SLC4A3: variants seen among roughly 807,000 people sequenced by gnomAD.
The protein encoded by SLC4A3 is solute carrier family 4 member 3.
SLC4A3 carries 47 observed loss-of-function variants against 114.2 expected under a neutral mutation model. The observed-to-expected ratio is 0.41, with a 90% CI of 0.33 to 0.52. The LOEUF (loss-of-function observed/expected upper bound fraction) is 0.52, where lower values mean the gene tolerates loss of function less well. Among genes scored for constraint, SLC4A3 ranks in the 20% least tolerant of loss-of-function variants. The pLI is 0.21. For synonymous variants in SLC4A3, 693 were observed against 710.3 expected (o/e 0.98, Z 0.39); for missense variants, 1,312 against 1,668.3 (o/e 0.79, Z 3.72).
rs566032803 is a variant in SLC4A3 at position 219,631,285 on chromosome 2, G to T, written c.812-683G>T. The stretch of plus-strand genomic sequence containing the variant: ...GACCCTGAGCCCAATGGGGCACTGA[G>T]CCCTGGGCCTGGGGATACCAATAGC... On this transcript the variant is annotated intron_variant, in intron 6 of 22. Transcript: ENST00000358055. This position sits in a 1 kb window ranked among gnomAD's most constrained non-coding sequence, Gnocchi z 6.3. 4 of 1,301,162 alleles carry T rather than the reference G, an allele frequency of 3.1e-6. No individual in the cohort carries two copies. The East Asian group carries it at 2.2e-4, about 72-fold the overall frequency. The allele number at this position is 1,301,162 out of a possible 1,614,324, so 80.6% of individuals were successfully genotyped here. A position where few individuals can be genotyped will look rare whatever the true frequency, so the allele number is the denominator to read the frequency against.
chr2:219,640,119 A>G (rs960389373), intron 20 of SLC4A3, among the ~76,000 whole-genome samples: 6 of 151,890 alleles, frequency 4.0e-5, no homozygotes, highest in African/African-American at 7.3e-5. Flanking sequence ...TAGTAGAGAC[A>G]GGGGTTTCAC....
chr2:219,636,594 C>T lies in SLC4A3; in HGVS notation c.2341-86C>T, dbSNP rs566393339. ...GGGTCCCTGCATTCTCCCTCTTCCT[C>T]GGAGTTCATCCGCTGCCTATTCCAG... On this transcript the variant is annotated intron_variant, in intron 15 of 22. Transcript: ENST00000358055. The surrounding 1 kb of genome is among the most constrained non-coding windows in gnomAD (Gnocchi z 5.5). The T allele has an allele frequency of 1.6e-5, 24 of 1,488,374 alleles. No individual in the cohort carries two copies. Among genetic ancestry groups the T allele is most frequent in the African/African-American group, 1.4e-4 (10 of 71,746 alleles). The allele number at this position is 1,488,374 out of a possible 1,614,324, so 92.2% of individuals were successfully genotyped here. A position where few individuals can be genotyped will look rare whatever the true frequency, so the allele number is the denominator to read the frequency against.
chr2:219,634,323 C>A, intron 11 of SLC4A3, 97 bp from the exon 12 acceptor site: 1 of 1,233,434 alleles, frequency 8.1e-7, no homozygotes, highest in Non-Finnish European at 1.2e-6. Flanking sequence ...CAGTTTACAA[C>A]CTGCTCAACT....
rs761158856 is a variant in SLC4A3, at chr2:219,630,213, C to G, written c.672C>G (p.Ser224Arg). ...RLAGEKSRPW[S>R]PSASYDLRER... ...CTGGGGAGAAAAGCCGGCCCTGGAGCCCATCGGCCAGTTATGACCTGCGGG... is the reference window on the plus strand; with the variant it reads ...CTGGGGAGAAAAGCCGGCCCTGGAGGCCATCGGCCAGTTATGACCTGCGGG... The change falls in exon 6 of 23, where the codon AGC (serine) becomes AGG (arginine). Residue 224 changes from serine to arginine, a missense_variant. Physicochemically the swap from Ser to Arg is moderately radical, Grantham distance 110 (BLOSUM62 -1). This residue lies in a region of SLC4A3 where 771 missense variants were observed against 977.7 expected (regional missense o/e 0.79). Coordinates refer to ENST00000358055, the MANE Select transcript of SLC4A3 (RefSeq NM_005070.4). This position sits in a 1 kb window ranked among gnomAD's most constrained non-coding sequence, Gnocchi z 6.9. The G allele has an allele frequency of 3.3e-5, 53 of 1,609,540 alleles. No homozygotes were observed. The highest frequency in any genetic ancestry group is 4.2e-5 in the Non-Finnish European group (50 of 1,176,806).
rs1445638773 is a variant in SLC4A3, at chr2:219,633,799, C to T, written c.1462-81C>T. ...TGGGAGGGAGAAGCAGGTCTCAGAG[C>T]CAGGGCTGGAGCCAGGGCTGGGAGG... On this transcript the variant is annotated intron_variant, in intron 10 of 22. Transcript: ENST00000358055. 1.9e-6 allele frequency: 3 copies of T among 1,539,732 alleles called. No individual in the cohort carries two copies. The Admixed American group carries it at 6.0e-5, about 31-fold the overall frequency.
intron 11 of SLC4A3, 47 bp downstream of exon 11, chr2:219,634,026 CCT>C (rs1249359451): frequency 2.7e-6 from 4 of 1,491,678 alleles, no homozygotes; most frequent in Non-Finnish European, 2.7e-6. Flanking sequence ...TGTGTGTGTG[CCT>C]CTCCTGGGGG....
chr2:219,630,122 C>G lies in SLC4A3; in HGVS notation c.612-31C>G. On this transcript the variant is annotated intron_variant, in intron 5 of 22. Transcript: ENST00000358055. The surrounding 1 kb of genome is among the most constrained non-coding windows in gnomAD (Gnocchi z 6.9). Reference sequence around the variant, plus strand: ...GATGGAACCACCGACCTGGCCCTGTCAAGTCCAAGGCTGCTGTGTTGCCTC... The same window carrying G: ...GATGGAACCACCGACCTGGCCCTGTGAAGTCCAAGGCTGCTGTGTTGCCTC... 1 of 1,610,568 alleles carries G rather than the reference C, an allele frequency of 6.2e-7. No homozygotes were observed. The highest frequency in any genetic ancestry group is 2.2e-5 in the East Asian group (1 of 44,788).
chr2:219,641,585 G>T lies in SLC4A3; in HGVS notation c.3622-66G>T, dbSNP rs1346667596. 3.9e-6 allele frequency: 5 copies of T among 1,283,288 alleles called. No individual in the cohort carries two copies. The highest frequency in any genetic ancestry group is 5.7e-6 in the Non-Finnish European group (5 of 881,794). 79.5% of individuals were successfully genotyped at this position (1,283,288 alleles called of 1,614,324 possible). ...CAGGGAGGGCTGCAGGTTGGAGGAG[G>T]AGCTGGAGAATGGGAGGGGACGAGC... On this transcript the variant is annotated intron_variant, in intron 22 of 22. Transcript: ENST00000358055. This position sits in a 1 kb window ranked among gnomAD's most constrained non-coding sequence, Gnocchi z 4.0.
At position 219,640,453 on chromosome 2, in the gene SLC4A3, G is replaced by A. The variant is rs530405262; in HGVS notation, c.3301G>A (p.Val1101Met). 4.3e-6 allele frequency: 7 copies of A among 1,613,972 alleles called. No individual in the cohort carries two copies. Among genetic ancestry groups the A allele is most frequent in the East Asian group, 2.2e-5 (1 of 44,888 alleles). The change falls in exon 21 of 23, where the codon GTG (valine) becomes ATG (methionine). Residue 1101 changes from valine (V) to methionine (M), a missense_variant. Physicochemically the swap from Val to Met is conservative, Grantham distance 21. This residue lies in a region of SLC4A3 where 301 missense variants were observed against 460.7 expected (regional missense o/e 0.65). Transcript: ENST00000358055. ...LVGLSIVMGA[V>M]LRRIPLAVLF... ...AGGCCTGTCCATCGTCATGGGGGCT[G>A]TGCTGCGTCGGATCCCATTGGCTGT...
At chr2:219,640,653 G>A in intron 21 of SLC4A3, 54 bp downstream of exon 21, 1 of 1,592,410 alleles carries the variant, frequency 6.3e-7, no homozygotes, top group South Asian at 1.1e-5. Context: ...AGGGGATCCA[G>A]AGGGATCTGG....
chr2:219,641,021 C>A lies in SLC4A3; in HGVS notation c.3621+59C>A, dbSNP rs2106207899. On this transcript the variant is annotated intron_variant, in intron 22 of 22. Coordinates refer to ENST00000358055, the MANE Select transcript of SLC4A3 (RefSeq NM_005070.4). This position sits in a 1 kb window ranked among gnomAD's most constrained non-coding sequence, Gnocchi z 4.0. ...GGGCAAATGGGCACTGGGTTCCAAT[C>A]TCTGTTTGGCCACCCACTAGTTGTG... 1 of 1,501,164 alleles carries A rather than the reference C, an allele frequency of 6.7e-7. No individual in the cohort carries two copies. The highest frequency in any genetic ancestry group is 1.2e-5 in the South Asian group (1 of 83,042). 93.0% of individuals were successfully genotyped at this position (1,501,164 alleles called of 1,614,324 possible).
chr2:219,632,783 T>G, intron 8 of SLC4A3, 91 bp from the exon 9 acceptor site: 1 of 1,538,642 alleles, frequency 6.5e-7, no homozygotes, highest in Non-Finnish European at 8.9e-7. Flanking sequence ...TTCCAGCACA[T>G]TCGCATGCTT....
rs751642364 is a variant in SLC4A3, at chr2:219,632,054, G to A, written c.898G>A (p.Gly300Ser). Residue 300 changes from glycine (G) to serine (S), a missense_variant, in exon 7 of 23, where the codon GGC becomes AGC. Transcript: ENST00000358055. ...RTQGGRGSPS[G>S]LAPILRRKKK... Reference sequence around the variant, plus strand: ...GCAGGGCGGGAGGGGCAGTCCCAGCGGCCTGGCCCCCATCCTTCGCAGGAA... The same window carrying A: ...GCAGGGCGGGAGGGGCAGTCCCAGCAGCCTGGCCCCCATCCTTCGCAGGAA... 12 of 1,613,906 alleles carry A rather than the reference G, an allele frequency of 7.4e-6. No individual in the cohort carries two copies. The highest frequency in any genetic ancestry group is 1.3e-5 in the African/African-American group (1 of 75,028).
chr2:219,630,090 G>A lies in SLC4A3; in HGVS notation c.612-63G>A. The A allele has an allele frequency of 6.3e-7, 1 of 1,592,376 alleles. No homozygotes were observed. Among genetic ancestry groups the A allele is most frequent in the Non-Finnish European group, 8.6e-7 (1 of 1,167,990 alleles). ...ACTCCAGGCCGTGCTCTGAGCTGAG[G>A]GACGGTGATGGAACCACCGACCTGG... On this transcript the variant is annotated intron_variant, in intron 5 of 22. Transcript: ENST00000358055. The surrounding 1 kb of genome is among the most constrained non-coding windows in gnomAD (Gnocchi z 6.9).
Position 219,632,053 on chromosome 2 carries a change from C to T in SLC4A3, c.897C>T (p.Ser299=), listed in dbSNP as rs139523032. The change falls in exon 7 of 23, where the codon AGC becomes AGT. Residue 299 remains serine (S), a synonymous_variant. Transcript: ENST00000358055. The part of the protein sequence containing the change: ...SRTQGGRGSP[S]GLAPILRRKK... ...CGCAGGGCGGGAGGGGCAGTCCCAG[C>T]GGCCTGGCCCCCATCCTTCGCAGGA... is the stretch of plus-strand genomic sequence containing the variant. The T allele has an allele frequency of 1.2e-5, 19 of 1,613,800 alleles. No homozygotes were observed. Among genetic ancestry groups the T allele is most frequent in the Middle Eastern group, 1.6e-4 (1 of 6,082 alleles).
At chr2:219,634,038 G>T (rs1699034314) in intron 11 of SLC4A3, 59 bp downstream of exon 11, 1 of 1,473,738 alleles carries the variant, frequency 6.8e-7, no homozygotes, top group Non-Finnish European at 9.0e-7. Context: ...TCTCCTGGGG[G>T]CCTGCTTGTC....
At position 219,637,777 on chromosome 2, in the gene SLC4A3, G is replaced by A; in HGVS notation, c.2732G>A (p.Arg911His). The A allele has an allele frequency of 6.2e-7, 1 of 1,613,762 alleles. No homozygotes were observed. The highest frequency in any genetic ancestry group is 8.5e-7 in the Non-Finnish European group (1 of 1,179,786). ...LGTFFIAFFL[R>H]KFRNSRFLGG... ...ACCTTCTTCATAGCCTTCTTCCTGC[G>A]CAAGTTCAGGAACAGCCGCTTCCTG... The change falls in exon 17 of 23, where the codon CGC becomes CAC. Residue 911 changes from arginine (R) to histidine (H), a missense_variant. Arg to His is a conservative substitution (Grantham distance 29). Transcript: ENST00000358055. This position sits in a 1 kb window ranked among gnomAD's most constrained non-coding sequence, Gnocchi z 4.6.
chr2:219,632,862 C>T lies in SLC4A3; in HGVS notation c.1142-12C>T, dbSNP rs370763584. 8 of 1,613,928 alleles carry T rather than the reference C, an allele frequency of 5.0e-6. No individual in the cohort carries two copies. The highest frequency in any genetic ancestry group is 6.8e-6 in the Non-Finnish European group (8 of 1,179,886). On this transcript the variant is annotated splice_polypyrimidine_tract_variant and intron_variant, in intron 8 of 22. Transcript: ENST00000358055. The stretch of plus-strand genomic sequence containing the variant: ...GGGACTGTGCCCTCTCTGTGCCTGA[C>T]TGTCCCCCTAGGAGCTGCCCTCCTG...
chr2:219,639,354 TG>T lies in SLC4A3; in HGVS notation c.3024-126del. 9.0e-7 allele frequency: 1 copy of T among 1,112,964 alleles called. No individual in the cohort carries two copies. Among genetic ancestry groups the T allele is most frequent in the Non-Finnish European group, 1.3e-6 (1 of 779,494 alleles). 68.9% of individuals were successfully genotyped at this position (1,112,964 alleles called of 1,614,324 possible). On this transcript the variant is annotated intron_variant, in intron 19 of 22. Coordinates refer to ENST00000358055, the MANE Select transcript of SLC4A3 (RefSeq NM_005070.4). The surrounding 1 kb of genome is among the most constrained non-coding windows in gnomAD (Gnocchi z 5.9). ...AATTTGGGAACTTGAAAGAAGAAGC[TG>T]GCAGTCCTAGGGAGAACTGTTGTCT...
Sources: allele counts gnomAD v4.1 joint callset (sites outside exome capture counted in the v4.1 genomes callset), GRCh38; gene constraint gnomAD v4.1.1; regional missense constraint gnomAD v4.1.1; non-coding constraint Gnocchi (gnomAD v3.1); transcripts MANE v1.5; gene names NCBI Gene and HGNC (gene_info 2026-07-23, HGNC 2026-07-21).